Variants in ARHGAP6 observed in about 807,000 individuals in gnomAD.
ARHGAP6 encodes the protein rho GTPase-activating protein 6.
In ARHGAP6, 16 loss-of-function variants were observed where a neutral mutation model predicts 55.7. That is an observed-to-expected ratio of 0.29 (90% CI 0.19 to 0.44). The LOEUF (loss-of-function observed/expected upper bound fraction) is 0.44. ARHGAP6 is among the 20% of genes least tolerant of loss of function. ARHGAP6 has a pLI of 1.00. For missense variants in ARHGAP6, 698 were observed against 808.9 expected (o/e 0.86, Z 1.66); for synonymous variants, 382 against 360.9 (o/e 1.06, Z -0.66).
intron 1 of ARHGAP6, among the ~76,000 whole-genome samples, chrX:11,465,924 T>TCTCCTCCTCCTCCTCCTCTTC (rs2050287503): frequency 9.6e-6 from 1 of 103,865 alleles, no homozygotes; most frequent in Non-Finnish European, 1.9e-5. Flanking sequence ...GACGAGTATG[T>TCTCCTCCTCCTCCTCCTCTTC]CTCCTCCTCC....
intron 1 of ARHGAP6, among the ~76,000 whole-genome samples, chrX:11,370,071 A>G (rs1430795400): frequency 1.8e-5 from 2 of 112,523 alleles, no homozygotes; most frequent in Non-Finnish European, 3.8e-5. Flanking sequence ...ATGCGTCAAT[A>G]GCAGCAGTCA....
At chrX:11,362,641 A>G in intron 1 of ARHGAP6, among the ~76,000 whole-genome samples, 1 of 107,746 alleles carries the variant, frequency 9.3e-6, no homozygotes, top group South Asian at 4.1e-4. Flanking sequence ...TGTACCCTAA[A>G]ACTTAAAGTA....
intron 2 of ARHGAP6, among the ~76,000 whole-genome samples, chrX:11,203,441 C>T (rs754581828): frequency 5.4e-5 from 6 of 111,438 alleles, no homozygotes; most frequent in African/African-American, 1.6e-4. Flanking sequence ...TAATCAATGC[C>T]GGCACAGAGG....
intron 3 of ARHGAP6, among the ~76,000 whole-genome samples, chrX:11,190,685 C>T: frequency 9.0e-6 from 1 of 110,562 alleles, no homozygotes; most frequent in Non-Finnish European, 1.9e-5. Context: ...ATAAATGTAG[C>T]AAGTGACATG....
At chrX:11,396,807 A>C (rs1603174836) in intron 1 of ARHGAP6, among the ~76,000 whole-genome samples, 1 of 112,007 alleles carries the variant, frequency 8.9e-6, no homozygotes, top group East Asian at 2.8e-4. Flanking sequence ...GGACATTATC[A>C]GTTTTAATCT....
chrX:11,503,253 G>T (rs1348600668), intron 1 of ARHGAP6, among the ~76,000 whole-genome samples: 1 of 111,171 alleles, frequency 9.0e-6, no homozygotes, highest in African/African-American at 3.3e-5. Context: ...ATTGTTCAAG[G>T]ATCAGCTGTA....
intron 1 of ARHGAP6, among the ~76,000 whole-genome samples, chrX:11,563,378 TG>T (rs1298182232): frequency 9.0e-6 from 1 of 111,316 alleles, no homozygotes; most frequent in Non-Finnish European, 1.9e-5. Flanking sequence ...ACAAAAGTAA[TG>T]GAACAGGCAT....
chrX:11,165,985 A>G (rs1415971641), intron 9 of ARHGAP6, among the ~76,000 whole-genome samples: 1 of 112,088 alleles, frequency 8.9e-6, no homozygotes, highest in Non-Finnish European at 1.9e-5. Flanking sequence ...GATATCTGCT[A>G]TTATGATCTA....
At chrX:11,401,150 A>G (rs748014157) in intron 1 of ARHGAP6, among the ~76,000 whole-genome samples, 2 of 111,785 alleles carry the variant, frequency 1.8e-5, no homozygotes, top group East Asian at 5.7e-4. Context: ...TTGTGTGACA[A>G]AAGAGGAAAA....
chrX:11,436,058 A>G (rs1278165113), intron 1 of ARHGAP6, among the ~76,000 whole-genome samples: 1 of 112,583 alleles, frequency 8.9e-6, no homozygotes, highest in Non-Finnish European at 1.9e-5. Flanking sequence ...GAAATGACAA[A>G]TGTATACATA....
At chrX:11,540,843 A>G (rs773554867) in intron 1 of ARHGAP6, among the ~76,000 whole-genome samples, 1 of 112,455 alleles carries the variant, frequency 8.9e-6, no homozygotes, top group East Asian at 2.8e-4. Flanking sequence ...GTAATTTAAG[A>G]ACGGCATGGA....
intron 9 of ARHGAP6, among the ~76,000 whole-genome samples, chrX:11,164,672 G>T (rs756483983): frequency 1.0e-3 from 112 of 111,968 alleles, no homozygotes; most frequent in Non-Finnish European, 1.6e-3. Flanking sequence ...ACTCAGTGGG[G>T]TGGGAACACA....
intron 6 of ARHGAP6, among the ~76,000 whole-genome samples, chrX:11,179,725 A>G (rs1204540964): frequency 2.0e-5 from 2 of 101,328 alleles, no homozygotes; most frequent in Non-Finnish European, 3.9e-5. Flanking sequence ...TTGTATATAT[A>G]TGTATTGTAT....
Position 11,389,928 on chromosome X carries a change from C to G in ARHGAP6, c.589-135221G>C, listed in dbSNP as rs993218201. On this transcript the variant is annotated intron_variant, in intron 1 of 12. Coordinates refer to ENST00000337414, the MANE Select transcript of ARHGAP6 (RefSeq NM_013427.3). ...AGTAATGTTAACCACTAGTCTAGTT[C>G]TAATGGGAACTAGAAGTCTATTCTA... Among the ~76,000 whole-genome samples the G allele has an allele frequency of 5.4e-5, 6 of 111,696 alleles. No homozygotes were observed. The South Asian group carries it at 2.2e-3, about 42-fold the overall frequency.
intron 1 of ARHGAP6, among the ~76,000 whole-genome samples, chrX:11,392,843 C>A (rs967842049): frequency 8.9e-6 from 1 of 111,898 alleles, no homozygotes; most frequent in Admixed American, 9.5e-5. Context: ...ACTGTACATA[C>A]ATTTGAACTT....
At chrX:11,422,622 G>T (rs960215799) in intron 1 of ARHGAP6, among the ~76,000 whole-genome samples, 6 of 112,405 alleles carry the variant, frequency 5.3e-5, no homozygotes, top group African/African-American at 1.9e-4. Flanking sequence ...GGGAAGTGAG[G>T]AATCAAGAAC....
chrX:11,364,876 CCGG>C (rs2049055801), intron 1 of ARHGAP6, among the ~76,000 whole-genome samples: 1 of 110,619 alleles, frequency 9.0e-6, no homozygotes, highest in Non-Finnish European at 1.9e-5. Context: ...TGTCTCAGGT[CCGG>C]CACTGCTGCT....
chrX:11,266,905 A>T (rs1255028169), intron 1 of ARHGAP6, among the ~76,000 whole-genome samples: 2 of 105,840 alleles, frequency 1.9e-5, no homozygotes, highest in African/African-American at 6.8e-5. Context: ...TGTAAGCCAC[A>T]CATAGCCTCT....
At position 11,320,812 on chromosome X, in the gene ARHGAP6, G is replaced by A. The variant is rs546659803; in HGVS notation, c.589-66105C>T. Among the ~76,000 whole-genome samples, 4 of 73,224 alleles carry A rather than the reference G, an allele frequency of 5.5e-5. No homozygotes were observed. The Admixed American group carries it at 6.0e-4, about 11-fold the overall frequency. 63.6% of individuals were successfully genotyped at this position (73,224 alleles called of 115,157 possible). On this transcript the variant is annotated intron_variant, in intron 1 of 12. Coordinates refer to ENST00000337414, the MANE Select transcript of ARHGAP6 (RefSeq NM_013427.3). Reference sequence around the variant, plus strand: ...ACACACACACACACACACACACACAGGTGTATAATATACACACACACACAT... The same window carrying A: ...ACACACACACACACACACACACACAAGTGTATAATATACACACACACACAT...
Sources: allele counts gnomAD v4.1 joint callset (sites outside exome capture counted in the v4.1 genomes callset), GRCh38; gene constraint gnomAD v4.1.1; transcripts MANE v1.5; gene names NCBI Gene and HGNC (gene_info 2026-07-23, HGNC 2026-07-21).